The following FXYD2 variants were observed in gnomAD, a reference collection of about 807,000 sequenced individuals.
The protein encoded by FXYD2 is FXYD domain containing ion transport regulator 2.
A neutral mutation model predicts 11.8 loss-of-function variants in FXYD2; 8 were observed. The observed-to-expected ratio is 0.68, with a 90% CI of 0.40 to 1.22. The LOEUF is 1.22. Among genes scored for constraint, FXYD2 ranks in the 50% most tolerant of loss-of-function variants. FXYD2 has a pLI of 0.01. For synonymous variants in FXYD2, 42 were observed against 33.3 expected, an observed-to-expected ratio of 1.26 and a Z score of -0.90; for missense variants, 92 against 91.8, an observed-to-expected ratio of 1.00 and a Z score of -0.01.
rs917497817 is a variant in FXYD2 at position 117,822,229 on chromosome 11, C to A, written c.139+177G>T. ...CACTTGAGCAAGCAGGAACCTCACA[C>A]TGTGCTCCCAGCGAGCCTGGCACCC... On this transcript the variant is annotated intron_variant, in intron 3 of 5. Coordinates refer to ENST00000292079, the MANE Select transcript of FXYD2 (RefSeq NM_001680.5). The surrounding 1 kb of genome is among the most constrained non-coding windows in gnomAD (Gnocchi z 4.7). 10 of 1,498,714 alleles carry A rather than the reference C, an allele frequency of 6.7e-6. No homozygotes were observed. The highest frequency in any genetic ancestry group is 8.9e-6 in the Non-Finnish European group (10 of 1,124,526). 92.8% of individuals were successfully genotyped at this position (1,498,714 alleles called of 1,614,324 possible). A position where few individuals can be genotyped will look rare whatever the true frequency, so the allele number is the denominator to read the frequency against.
chr11:117,822,849 C>T lies in FXYD2; in HGVS notation c.26-132G>A. 7.9e-7 allele frequency: 1 copy of T among 1,264,530 alleles called. No homozygotes were observed. Among genetic ancestry groups the T allele is most frequent in the East Asian group, 2.5e-5 (1 of 39,992 alleles). 78.3% of individuals were successfully genotyped at this position (1,264,530 alleles called of 1,614,324 possible). The stretch of plus-strand genomic sequence containing the variant: ...CAAGCAGGCGAGGGGAGGCTGGGAG[C>T]AGGGGTGTTGCTAAAACCATTGCCA... On this transcript the variant is annotated intron_variant, in intron 1 of 5. Coordinates refer to ENST00000292079, the MANE Select transcript of FXYD2 (RefSeq NM_001680.5). The surrounding 1 kb of genome is among the most constrained non-coding windows in gnomAD (Gnocchi z 4.7).
At chr11:117,821,445 T>A (rs944248157) in intron 3 of FXYD2, 5 of 986,560 alleles carry the variant, frequency 5.1e-6, no homozygotes, top group Non-Finnish European at 6.0e-6. Flanking sequence ...CTGGAGCAGA[T>A]CCACGGTGGT....
At chr11:117,820,784 CAG>C (rs2055881054) in intron 4 of FXYD2, 73 bp downstream of exon 4, 1 of 1,613,678 alleles carries the variant, frequency 6.2e-7, no homozygotes, top group Admixed American at 1.7e-5. Context: ...TCCACTGTGT[CAG>C]AGACAAAATC....
chr11:117,822,853 G>C lies in FXYD2; in HGVS notation c.26-136C>G. ...CAGGCGAGGGGAGGCTGGGAGCAGG[G>C]GTGTTGCTAAAACCATTGCCAGCAG... On this transcript the variant is annotated intron_variant, in intron 1 of 5. Transcript: ENST00000292079. This position sits in a 1 kb window ranked among gnomAD's most constrained non-coding sequence, Gnocchi z 4.7. 1 of 1,238,292 alleles carries C rather than the reference G, an allele frequency of 8.1e-7. No individual in the cohort carries two copies. The highest frequency in any genetic ancestry group is 1.1e-6 in the Non-Finnish European group (1 of 877,578). 76.7% of individuals were successfully genotyped at this position (1,238,292 alleles called of 1,614,324 possible).
At chr11:117,826,770 G>A (rs374821931), upstream of FXYD2, among the ~76,000 whole-genome samples, 1 of 134,358 alleles carries the variant, frequency 7.4e-6, no homozygotes, top group South Asian at 2.4e-4. Flanking sequence ...CTGTCTGTCT[G>A]TCTGTCTGTC....
upstream of FXYD2, among the ~76,000 whole-genome samples, chr11:117,825,030 G>A (rs1204423539): frequency 1.3e-5 from 2 of 152,208 alleles, no homozygotes; most frequent in Non-Finnish European, 2.9e-5. Flanking sequence ...AGTGGAAGTT[G>A]CACAATCTCT....
rs2055924308 is a variant in FXYD2 at position 117,822,270 on chromosome 11, C to G, written c.139+136G>C. ...CCTGGCACCCCACCGGGCACCCATTCCCACATCCTGCAGTGGGGGGCGTGG... is the reference window on the plus strand; with the variant it reads ...CCTGGCACCCCACCGGGCACCCATTGCCACATCCTGCAGTGGGGGGCGTGG... On this transcript the variant is annotated intron_variant, in intron 3 of 5. Transcript: ENST00000292079. The surrounding 1 kb of genome is among the most constrained non-coding windows in gnomAD (Gnocchi z 4.7). 3 of 1,534,352 alleles carry G rather than the reference C, an allele frequency of 2.0e-6. No individual in the cohort carries two copies. In the East Asian group the frequency reaches 7.4e-5, roughly 38 times the overall value.
chr11:117,823,432 G>C (rs965556249), intron 1 of FXYD2, among the ~76,000 whole-genome samples: 5 of 152,242 alleles, frequency 3.3e-5, no homozygotes, highest in African/African-American at 1.2e-4. Flanking sequence ...GTCAGGGGTA[G>C]AGCTGGTGTT....
chr11:117,821,997 G>T, intron 3 of FXYD2: 1 of 1,156,618 alleles, frequency 8.6e-7, no homozygotes, highest in South Asian at 2.0e-5. Flanking sequence ...GCACTGGACC[G>T]TTCTCAGAGC....
chr11:117,827,087 GAT>G (rs1218587716), upstream of FXYD2, among the ~76,000 whole-genome samples: 238 of 2,166 alleles, frequency 0.11, 2 homozygotes, highest in African/African-American at 0.16. Context: ...TAAATAGAGA[GAT>G]AGATAGATAG....
chr11:117,822,819 G>C lies in FXYD2; in HGVS notation c.26-102C>G. 4.0e-6 allele frequency: 6 copies of C among 1,499,382 alleles called. No homozygotes were observed. The highest frequency in any genetic ancestry group is 4.7e-5 in the East Asian group (2 of 42,710). 92.9% of individuals were successfully genotyped at this position (1,499,382 alleles called of 1,614,324 possible). A position where few individuals can be genotyped will look rare whatever the true frequency, so the allele number is the denominator to read the frequency against. ...CCTTCCCTTCCCAGAGGACCCTCGA[G>C]GGTCCAAGCAGGCGAGGGGAGGCTG... On this transcript the variant is annotated intron_variant, in intron 1 of 5. Transcript: ENST00000292079. This position sits in a 1 kb window ranked among gnomAD's most constrained non-coding sequence, Gnocchi z 4.7.
upstream of FXYD2, among the ~76,000 whole-genome samples, chr11:117,827,842 C>T (rs752183748): frequency 1.3e-5 from 2 of 152,188 alleles, no homozygotes; most frequent in South Asian, 2.1e-4. Context: ...CCAGTGACTC[C>T]GTATGGAGAT....
Position 117,822,320 on chromosome 11 carries a change from C to T in FXYD2, c.139+86G>A, listed in dbSNP as rs531124898. ...GTGGGGAGGCTCACCCCTCCCTTGG[C>T]AACTCCCGAAAGCCAGCCTGCTCAG... is the stretch of plus-strand genomic sequence containing the variant. On this transcript the variant is annotated intron_variant, in intron 3 of 5. Transcript: ENST00000292079. The surrounding 1 kb of genome is among the most constrained non-coding windows in gnomAD (Gnocchi z 4.7). 1.9e-6 allele frequency: 3 copies of T among 1,548,458 alleles called. No individual in the cohort carries two copies. In the South Asian group the frequency reaches 3.6e-5, roughly 18 times the overall value.
In FXYD2 at chr11:117,822,406, T is replaced by G; in HGVS notation, c.139A>C (p.Ser47Arg). 6.4e-7 allele frequency: 1 copy of G among 1,556,804 alleles called. No individual in the cohort carries two copies. Among genetic ancestry groups the G allele is most frequent in the Non-Finnish European group, 8.7e-7 (1 of 1,149,518 alleles). Residue 47 changes from serine to arginine, a missense_variant and splice_region_variant, in exon 3 of 6, where the codon AGC becomes CGC. Ser to Arg is a moderately radical substitution (Grantham distance 110, BLOSUM62 -1). Coordinates refer to ENST00000292079, the MANE Select transcript of FXYD2 (RefSeq NM_001680.5). The surrounding 1 kb of genome is among the most constrained non-coding windows in gnomAD (Gnocchi z 4.7). ...AFIVGLLILL[S>R]RRFRCGGNKK... ...CTTCCCTGGAGGCCACCCCACTTAC[T>G]GAGGAGGATGAGGAGCCCCACGATG... is the stretch of plus-strand genomic sequence containing the variant.
At position 117,822,665 on chromosome 11, in the gene FXYD2, G is replaced by A; in HGVS notation, c.64+14C>T. ...CTGAGGGCTCAGGAAGGGTGCGCAG[G>A]GGCCCAGGCTTACCATAGTAGAACG... On this transcript the variant is annotated intron_variant, in intron 2 of 5. Coordinates refer to ENST00000292079, the MANE Select transcript of FXYD2 (RefSeq NM_001680.5). The surrounding 1 kb of genome is among the most constrained non-coding windows in gnomAD (Gnocchi z 4.7). 1 of 1,608,728 alleles carries A rather than the reference G, an allele frequency of 6.2e-7. No individual in the cohort carries two copies. Among genetic ancestry groups the A allele is most frequent in the East Asian group, 2.2e-5 (1 of 44,670 alleles).
chr11:117,825,004 G>A (rs2056003578), upstream of FXYD2, among the ~76,000 whole-genome samples: 1 of 152,204 alleles, frequency 6.6e-6, no homozygotes, highest in Admixed American at 6.5e-5. Flanking sequence ...TACAGCTGGG[G>A]CGGTGGGAAC....
chr11:117,822,761 G>A lies in FXYD2; in HGVS notation c.26-44C>T. On this transcript the variant is annotated intron_variant, in intron 1 of 5. Transcript: ENST00000292079. The surrounding 1 kb of genome is among the most constrained non-coding windows in gnomAD (Gnocchi z 4.7). ...TGGGATGAGAGGAGTCACCGATGGT[G>A]AGCCAGCCACAGGAACAGCTGGAAT... 6.3e-7 allele frequency: 1 copy of A among 1,595,948 alleles called. No homozygotes were observed. The highest frequency in any genetic ancestry group is 8.5e-7 in the Non-Finnish European group (1 of 1,174,210).
At chr11:117,826,778 G>GTCTATCTA (rs150585221), upstream of FXYD2, among the ~76,000 whole-genome samples, 632 of 125,858 alleles carry the variant, frequency 5.0e-3, 3 homozygotes, top group African/African-American at 7.7e-3. Context: ...CTGTCTGTCT[G>GTCTATCTA]TCTATCTATC....
upstream of FXYD2, chr11:117,828,045 AG>A: frequency 1.3e-6 from 2 of 1,550,562 alleles, no homozygotes; most frequent in Non-Finnish European, 1.7e-6. Context: ...CCAGGAGTGC[AG>A]GAGAGCAGGG....
Sources: gnomAD v4.1 joint callset for allele counts (sites outside exome capture counted in the v4.1 genomes callset) on GRCh38, gnomAD v4.1.1 for gene constraint, Gnocchi (gnomAD v3.1) non-coding constraint, MANE v1.5 for transcripts, NCBI Gene and HGNC (gene_info 2026-07-23, HGNC 2026-07-21) for gene names.